NCOA1: variants seen among roughly 807,000 people sequenced by gnomAD.
NCOA1 encodes the protein Hin-2 protein.
NCOA1 carries 35 observed loss-of-function variants against 150.9 expected under a neutral mutation model. That is an observed-to-expected ratio of 0.23 (90% CI 0.18 to 0.31). The LOEUF (loss-of-function observed/expected upper bound fraction) is 0.31, where lower values mean the gene tolerates loss of function less well. Among genes scored for constraint, NCOA1 ranks in the 10% least tolerant of loss-of-function variants. The probability of loss-of-function intolerance (pLI) is 1.00; values close to 1 mark genes in which losing one functional copy is unlikely to be tolerated. For missense variants in NCOA1, 1,491 were observed against 1,749.3 expected, an observed-to-expected ratio of 0.85 and a Z score of 2.63; for synonymous variants, 590 against 630.0, an observed-to-expected ratio of 0.94 and a Z score of 0.95.
At chr2:24,750,454 G>A (rs1164407298) in intron 19 of NCOA1, among the ~76,000 whole-genome samples, 1 of 152,200 alleles carries the variant, frequency 6.6e-6, no homozygotes. Flanking sequence ...GGTCAGTTGA[G>A]TTTTGACAGG....
chr2:24,666,017 A>AT, intron 6 of NCOA1, 102 bp downstream of exon 6: 11 of 728,788 alleles, frequency 1.5e-5, no homozygotes, highest in Non-Finnish European at 1.8e-5. Context: ...TTTTATTATT[A>AT]TTATTATTTT....
At chr2:24,743,740 T>C (rs566971502) in intron 19 of NCOA1, among the ~76,000 whole-genome samples, 1 of 152,312 alleles carries the variant, frequency 6.6e-6, no homozygotes, top group Admixed American at 6.5e-5. Flanking sequence ...AATGACAACC[T>C]GACTAAAACA....
In NCOA1 at chr2:24,683,057, C is replaced by G; in HGVS notation, c.461C>G (p.Thr154Arg). The stretch of plus-strand genomic sequence containing the variant: ...TACAATCAGGAGGAATTAATGAATA[C>G]GAGCGTCTACAGCATACTGCACGTG... ...LGYNQEELMN[T>R]SVYSILHVGD... The change falls in exon 8 of 23, where the codon ACG (threonine) becomes AGG (arginine). Residue 154 changes from threonine to arginine, a missense_variant. By Grantham distance (71) the Thr-to-Arg change is moderately conservative. Around this residue, in one of 8 missense-constraint regions of NCOA1, gnomAD observed 80 missense variants for 163.0 expected, o/e 0.49. Coordinates refer to ENST00000348332, the MANE Select transcript of NCOA1 (RefSeq NM_003743.5). The G allele has an allele frequency of 1.2e-6, 2 of 1,611,164 alleles. No homozygotes were observed. Among genetic ancestry groups the G allele is most frequent in the Non-Finnish European group, 8.5e-7 (1 of 1,179,002 alleles).
At chr2:24,666,967 T>G (rs549924499) in intron 6 of NCOA1, among the ~76,000 whole-genome samples, 6 of 152,240 alleles carry the variant, frequency 3.9e-5, no homozygotes, top group African/African-American at 1.4e-4. Flanking sequence ...TCCCACAAGC[T>G]GGCCCCATGG....
At chr2:24,559,499 G>T (rs1666211151) in intron 1 of NCOA1, among the ~76,000 whole-genome samples, 1 of 152,158 alleles carries the variant, frequency 6.6e-6, no homozygotes, top group South Asian at 2.1e-4. Flanking sequence ...ATAGCCTGTT[G>T]TTTGTTATTC....
In NCOA1 at chr2:24,612,803, C is replaced by T. The variant is rs55730650; in HGVS notation, c.-175+28243C>T. On this transcript the variant is annotated intron_variant, in intron 3 of 22. Transcript: ENST00000348332. ...ATTTCTTAGAATGATTTAGAAGTTT[C>T]TTTGTGTTGATTTTCAACCTTTTTT... 5.8e-4 allele frequency among the ~76,000 whole-genome samples: 88 copies of T among 152,190 alleles called. 1 individual carries two copies. Among genetic ancestry groups the T allele is most frequent in the African/African-American group, 2.0e-3 (83 of 41,512 alleles).
chr2:24,581,930 A>C (rs1221441815), intron 2 of NCOA1, among the ~76,000 whole-genome samples: 1 of 152,228 alleles, frequency 6.6e-6, no homozygotes, highest in Non-Finnish European at 1.5e-5. Flanking sequence ...ATCTCTCAAC[A>C]AATTAGACAT....
chr2:24,565,697 T>A (rs1198279909), intron 2 of NCOA1, among the ~76,000 whole-genome samples: 3 of 152,174 alleles, frequency 2.0e-5, no homozygotes. Flanking sequence ...CTGGCCTGGA[T>A]CCCATGCCTG....
At chr2:24,524,467 A>C (rs532556885) in intron 1 of NCOA1, among the ~76,000 whole-genome samples, 1 of 149,896 alleles carries the variant, frequency 6.7e-6, no homozygotes, top group East Asian at 2.0e-4. Context: ...CTGCCTTTTA[A>C]ATTATTTTGT....
intron 3 of NCOA1, among the ~76,000 whole-genome samples, chr2:24,629,310 A>C (rs116289711): frequency 5.5e-4 from 84 of 152,238 alleles, no homozygotes; most frequent in Non-Finnish European, 7.5e-4. Flanking sequence ...ACATAAATAT[A>C]ATGGTGCGTG....
chr2:24,499,547 T>C (rs1663366497), intron 1 of NCOA1, among the ~76,000 whole-genome samples: 1 of 152,192 alleles, frequency 6.6e-6, no homozygotes, highest in Non-Finnish European at 1.5e-5. Flanking sequence ...TTTTAAGCAG[T>C]AAGTATTCTT....
intron 17 of NCOA1, among the ~76,000 whole-genome samples, chr2:24,730,797 G>A (rs147290215): frequency 1.6e-3 from 241 of 151,618 alleles, no homozygotes; most frequent in Middle Eastern, 6.8e-3. Flanking sequence ...AGACCAAGGC[G>A]GGTGGATCAC....
At chr2:24,741,675 T>A in intron 18 of NCOA1, 109 bp from the exon 19 acceptor site, 4 of 1,212,422 alleles carry the variant, frequency 3.3e-6, no homozygotes, top group Non-Finnish European at 4.5e-6. Context: ...ACAGTGATAA[T>A]TGCTATGTAC....
At chr2:24,686,222 C>A (rs1192886069) in intron 8 of NCOA1, among the ~76,000 whole-genome samples, 1 of 152,204 alleles carries the variant, frequency 6.6e-6, no homozygotes. Flanking sequence ...AGGCTGGTCT[C>A]GATCTCCTGA....
intron 6 of NCOA1, 99 bp downstream of exon 6, chr2:24,666,014 A>G: frequency 4.1e-6 from 3 of 737,598 alleles, no homozygotes; most frequent in Non-Finnish European, 3.5e-6. Context: ...TTATTTTATT[A>G]TTATTATTAT....
intron 17 of NCOA1, among the ~76,000 whole-genome samples, chr2:24,733,128 C>T (rs1171591846): frequency 2.0e-5 from 3 of 152,086 alleles, no homozygotes; most frequent in African/African-American, 7.2e-5. Flanking sequence ...GAGTAAATGG[C>T]TGCGGGTTGG....
At chr2:24,643,912 A>G (rs1439784568) in intron 3 of NCOA1, 54 bp from the exon 4 acceptor site, 3 of 152,128 alleles carry the variant, frequency 2.0e-5, no homozygotes, top group Non-Finnish European at 4.4e-5. Flanking sequence ...TTATTGGAGA[A>G]TAAAATGGCA....
chr2:24,664,276 C>T (rs923793438), intron 5 of NCOA1, among the ~76,000 whole-genome samples: 11 of 152,130 alleles, frequency 7.2e-5, no homozygotes, highest in African/African-American at 2.2e-4. Flanking sequence ...CAAACGTGAT[C>T]GTCACAGTTT....
chr2:24,589,648 TGTGTGTGTGTGTGTGTATGAAA>T lies in NCOA1; in HGVS notation c.-175+5101_-175+5122del, dbSNP rs1365580712. 7.4e-3 allele frequency among the ~76,000 whole-genome samples: 1,116 copies of T among 151,414 alleles called. 15 individuals are homozygous for T. The highest frequency in any genetic ancestry group is 0.026 in the African/African-American group (1,062 of 41,000). ...GGTTGGTGGTGTGTGTGTGTGTGTG[TGTGTGTGTGTGTGTGTATGAAA>T]GTGTGTGTGTGTTTGTGCGCACACG... On this transcript the variant is annotated intron_variant, in intron 3 of 22. Coordinates refer to ENST00000348332, the MANE Select transcript of NCOA1 (RefSeq NM_003743.5).
Sources: gnomAD v4.1 joint callset for allele counts (sites outside exome capture counted in the v4.1 genomes callset) on GRCh38, gnomAD v4.1.1 for gene constraint, gnomAD v4.1.1 regional missense constraint, MANE v1.5 for transcripts, NCBI Gene and HGNC (gene_info 2026-07-23, HGNC 2026-07-21) for gene names.